BOP1: variants seen among roughly 807,000 people sequenced by gnomAD.
BOP1 encodes ribosome biogenesis protein BOP1.
BOP1 carries 54 observed loss-of-function variants against 82.9 expected under a neutral mutation model. The observed-to-expected ratio is 0.65, with a 90% confidence interval of 0.52 to 0.82. The LOEUF is 0.82. Ranked by LOEUF, BOP1 falls within the 40% of genes least tolerant of loss-of-function variation. The pLI, the probability that BOP1 is intolerant of heterozygous loss-of-function variation, is 0.00. For synonymous variants in BOP1, 566 were observed against 451.1 expected (o/e 1.25, Z -3.23); for missense variants, 1,170 against 1,072.0 (o/e 1.09, Z -1.28).
intron 3 of BOP1, among the ~76,000 whole-genome samples, chr8:144,274,943 C>T (rs1465780560): frequency 2.6e-5 from 4 of 152,320 alleles, no homozygotes; most frequent in Non-Finnish European, 2.9e-5. Context: ...GCAGGGAGTG[C>T]GCGGCGTGGC....
In BOP1 at chr8:144,264,342, C is replaced by A; in HGVS notation, c.861G>T (p.Glu287Asp). Residue 287 changes from glutamate (E) to aspartate (D), a missense_variant, in exon 7 of 16, where the codon GAG (glutamate) becomes GAT (aspartate). By Grantham distance (45) the Glu-to-Asp change is conservative (BLOSUM62 2). Transcript: ENST00000569669. ...TPSFYDLWAQ[E>D]DPNAVLGRHK... ...GGCGCCCGAGCACGGCGTTGGGGTC[C>A]TCCTGGGCCCACAGGTCATAGAAGC... 6.2e-7 allele frequency: 1 copy of A among 1,608,220 alleles called. No homozygotes were observed. The highest frequency in any genetic ancestry group is 8.5e-7 in the Non-Finnish European group (1 of 1,179,688).
chr8:144,266,763 G>A (rs1322412935), intron 3 of BOP1: 1 of 1,074,576 alleles, frequency 9.3e-7, no homozygotes, highest in South Asian at 3.7e-5. Flanking sequence ...GCGGCCTCCA[G>A]GGCGCCCGGC....
At chr8:144,273,251 TTGGCG>T (rs1680943892) in intron 3 of BOP1, among the ~76,000 whole-genome samples, 1 of 152,188 alleles carries the variant, frequency 6.6e-6, no homozygotes, top group African/African-American at 2.4e-5. Context: ...TTAACGGCGC[TTGGCG>T]CGAGAGCAGA....
chr8:144,262,543 A>T, intron 14 of BOP1, 40 bp from the exon 15 acceptor site: 1 of 1,612,824 alleles, frequency 6.2e-7, no homozygotes. Flanking sequence ...GCTCGGGCTG[A>T]AGGGAGGGGC....
intron 3 of BOP1, chr8:144,265,335 T>TC (rs1390723557): frequency 2.0e-5 from 11 of 558,736 alleles, no homozygotes; most frequent in Non-Finnish European, 3.2e-5. Flanking sequence ...ACCCCAGAGC[T>TC]CCCCCCTCAC....
chr8:144,283,223 A>G (rs983127566), intron 2 of BOP1, among the ~76,000 whole-genome samples: 1 of 147,694 alleles, frequency 6.8e-6, no homozygotes, highest in Non-Finnish European at 1.5e-5. Flanking sequence ...AAAAAAAAAA[A>G]AAGAAAGGCT....
At chr8:144,279,651 A>G (rs1554838692) in intron 2 of BOP1, among the ~76,000 whole-genome samples, 1 of 152,166 alleles carries the variant, frequency 6.6e-6, no homozygotes, top group Non-Finnish European at 1.5e-5. Context: ...TTTGATTTTC[A>G]TCGCATCAAG....
At chr8:144,277,019 G>T (rs917379860) in intron 2 of BOP1, among the ~76,000 whole-genome samples, 1 of 152,146 alleles carries the variant, frequency 6.6e-6, no homozygotes, top group Non-Finnish European at 1.5e-5. Flanking sequence ...TTCTGCCCTC[G>T]ACTGCGGAGG....
intron 2 of BOP1, among the ~76,000 whole-genome samples, chr8:144,277,654 A>T (rs1424126521): frequency 6.6e-6 from 1 of 152,260 alleles, no homozygotes; most frequent in Non-Finnish European, 1.5e-5. Context: ...GCCACGGCAC[A>T]GGCAGGCTCT....
intron 3 of BOP1, chr8:144,267,968 G>A (rs1177706495): frequency 2.2e-6 from 3 of 1,359,214 alleles, no homozygotes; most frequent in South Asian, 1.2e-5. Flanking sequence ...CAAAACGCTT[G>A]AGGGAAGCTG....
chr8:144,290,072 T>C (rs4977203), intron 1 of BOP1, among the ~76,000 whole-genome samples: 79,097 of 151,970 alleles, frequency 0.52, 20,878 homozygotes, highest in Admixed American at 0.65. Context: ...TAGGAAGCAG[T>C]TGAAGGCCAG....
chr8:144,284,425 C>T (rs1212634230), intron 2 of BOP1, among the ~76,000 whole-genome samples: 1 of 152,216 alleles, frequency 6.6e-6, no homozygotes, highest in Non-Finnish European at 1.5e-5. Flanking sequence ...CTGCAACTGC[C>T]CACCCACTGG....
At chr8:144,265,160 AG>A (rs1455977339) in intron 3 of BOP1, 89 bp from the exon 4 acceptor site, 15 of 1,488,814 alleles carry the variant, frequency 1.0e-5, no homozygotes, top group Non-Finnish European at 1.3e-5. Context: ...AGGGGGTTGC[AG>A]GGGGAGTGCA....
intron 3 of BOP1, chr8:144,267,098 C>T: frequency 7.0e-7 from 1 of 1,427,714 alleles, no homozygotes; most frequent in Non-Finnish European, 9.1e-7. Context: ...CCGCCGCCGC[C>T]CCCGCCGCCT....
intron 2 of BOP1, among the ~76,000 whole-genome samples, chr8:144,276,960 T>A (rs2130240966): frequency 6.6e-6 from 1 of 152,206 alleles, no homozygotes; most frequent in African/African-American, 2.4e-5. Flanking sequence ...TCCCGCCGGG[T>A]CACAGAGTGG....
Position 144,263,204 on chromosome 8 carries a change from C to G in BOP1, c.1605+17G>C. On this transcript the variant is annotated intron_variant, in intron 12 of 15. Transcript: ENST00000569669. Reference sequence around the variant, plus strand: ...GCCCCTCCCGCTGCAGCCTCACCCCCAAGGCGCCCCACGTACCTTCCCGTG... The same window carrying G: ...GCCCCTCCCGCTGCAGCCTCACCCCGAAGGCGCCCCACGTACCTTCCCGTG... 1 of 1,593,870 alleles carries G rather than the reference C, an allele frequency of 6.3e-7. No homozygotes were observed. Among genetic ancestry groups the G allele is most frequent in the Non-Finnish European group, 8.5e-7 (1 of 1,178,782 alleles).
chr8:144,263,965 T>C lies in BOP1; in HGVS notation c.1140+16A>G. The C allele has an allele frequency of 6.2e-7, 1 of 1,610,980 alleles. No homozygotes were observed. The highest frequency in any genetic ancestry group is 8.5e-7 in the Non-Finnish European group (1 of 1,179,630). On this transcript the variant is annotated intron_variant, in intron 8 of 15. Coordinates refer to ENST00000569669, the MANE Select transcript of BOP1 (RefSeq NM_015201.5). The stretch of plus-strand genomic sequence containing the variant: ...TGCCCCCTGTGCCACCCCCCTGGTG[T>C]GCCACCCCCACACACCCTCATCTTG...
intron 3 of BOP1, among the ~76,000 whole-genome samples, chr8:144,274,593 T>C (rs1845541372): frequency 6.6e-6 from 1 of 152,200 alleles, no homozygotes; most frequent in African/African-American, 2.4e-5. Flanking sequence ...TGGCCGGCTG[T>C]GCTGGCAGGA....
At position 144,270,647 on chromosome 8, in the gene BOP1, G is replaced by A. The variant is rs998007734; in HGVS notation, c.391-5576C>T. ...CTGCTCCAGAAATTCAAACCAGACC[G>A]GGGGTGGCGTGGGCTGACCCCCAGG... On this transcript the variant is annotated intron_variant, in intron 3 of 15. Transcript: ENST00000569669. Among the ~76,000 whole-genome samples, 108 of 152,208 alleles carry A rather than the reference G, an allele frequency of 7.1e-4. 1 individual carries two copies. The Middle Eastern group carries it at 0.01, about 14-fold the overall frequency.
Sources: gnomAD v4.1 joint callset for allele counts (sites outside exome capture counted in the v4.1 genomes callset) on GRCh38, gnomAD v4.1.1 for gene constraint, MANE v1.5 for transcripts, NCBI Gene and HGNC (gene_info 2026-07-23, HGNC 2026-07-21) for gene names.